Variants in OR51B5 observed in about 807,000 individuals in gnomAD.
OR51B5 encodes the protein olfactory receptor 51B5.
For missense variants in OR51B5, 456 were observed against 374.6 expected (o/e 1.22, Z -1.79); for synonymous variants, 186 against 144.8 (o/e 1.28, Z -2.04).
intron 1 of OR51B5, among the ~76,000 whole-genome samples, chr11:5,358,330 A>G: frequency 6.6e-6 from 1 of 151,174 alleles, no homozygotes; most frequent in African/African-American, 2.4e-5. Context: ...GATCCCACAG[A>G]AATACAAACC....
chr11:5,427,930 CTT>C (rs1390359580), intron 1 of OR51B5, among the ~76,000 whole-genome samples: 2 of 152,044 alleles, frequency 1.3e-5, no homozygotes, highest in Non-Finnish European at 2.9e-5. Flanking sequence ...ATGGTCAAAA[CTT>C]TTTGATGGAG....
chr11:5,364,513 C>T (rs1849337179), intron 1 of OR51B5, among the ~76,000 whole-genome samples: 1 of 152,230 alleles, frequency 6.6e-6, no homozygotes, highest in South Asian at 2.1e-4. Context: ...ATAAATTCAA[C>T]TACATGCCAG....
chr11:5,464,412 A>G (rs1470841762), intron 1 of OR51B5, among the ~76,000 whole-genome samples: 3 of 151,820 alleles, frequency 2.0e-5, no homozygotes, highest in Admixed American at 2.0e-4. Flanking sequence ...AGCGTTAGGT[A>G]TATCTCCCAA....
chr11:5,412,225 T>G (rs1850159128), intron 1 of OR51B5, among the ~76,000 whole-genome samples: 1 of 152,324 alleles, frequency 6.6e-6, no homozygotes, highest in South Asian at 2.1e-4. Context: ...CTATATCTTC[T>G]TGAGTAAATC....
chr11:5,460,436 A>G (rs537339265), intron 1 of OR51B5, among the ~76,000 whole-genome samples: 13 of 151,500 alleles, frequency 8.6e-5, no homozygotes, highest in Non-Finnish European at 1.6e-4. Context: ...TTATTTCTAG[A>G]AGTTCAGTTT....
chr11:5,380,728 G>C (rs1849595650), intron 1 of OR51B5, among the ~76,000 whole-genome samples: 1 of 152,176 alleles, frequency 6.6e-6, no homozygotes, highest in South Asian at 2.1e-4. Context: ...GTGTTTGTAA[G>C]ATGTAGATAT....
chr11:5,411,560 C>G (rs1001891030), intron 1 of OR51B5, among the ~76,000 whole-genome samples: 1 of 152,164 alleles, frequency 6.6e-6, no homozygotes, highest in East Asian at 1.9e-4. Context: ...TTAAAAGGAA[C>G]ATAATTGTGG....
intron 1 of OR51B5, among the ~76,000 whole-genome samples, chr11:5,401,865 TTTCCTTCCTTCCTTTTCTCTCTC>T (rs1849973721): frequency 8.7e-6 from 1 of 114,948 alleles, no homozygotes; most frequent in African/African-American, 3.4e-5. Flanking sequence ...GCTTTTTCTT[TTTCCTTCCTTCCTTTTCTCTCTC>T]TTCCTTCCTT....
chr11:5,357,694 T>C (rs1849216782), intron 1 of OR51B5, among the ~76,000 whole-genome samples: 4 of 150,704 alleles, frequency 2.7e-5, no homozygotes, highest in Admixed American at 2.0e-4. Context: ...ATACATTCTT[T>C]TCAGCACCAC....
intron 1 of OR51B5, among the ~76,000 whole-genome samples, chr11:5,354,346 AGATAACTAG>A (rs1365601464): frequency 6.6e-6 from 1 of 152,224 alleles, no homozygotes; most frequent in Non-Finnish European, 1.5e-5. Flanking sequence ...GCTAGTATAA[AGATAACTAG>A]GATAACAATA....
chr11:5,485,467 G>A (rs2133811180), intron 1 of OR51B5, among the ~76,000 whole-genome samples: 1 of 152,300 alleles, frequency 6.6e-6, no homozygotes, highest in South Asian at 2.1e-4. Context: ...CTTGGGCTGA[G>A]CAATGAATTT....
intron 1 of OR51B5, among the ~76,000 whole-genome samples, chr11:5,424,647 G>A (rs896672337): frequency 6.6e-6 from 1 of 152,032 alleles, no homozygotes; most frequent in East Asian, 1.9e-4. Flanking sequence ...GGTTTCACTG[G>A]GGACCCCTGG....
intron 1 of OR51B5, among the ~76,000 whole-genome samples, chr11:5,442,700 C>T (rs888445481): frequency 1.3e-5 from 2 of 152,124 alleles, no homozygotes; most frequent in Middle Eastern, 3.2e-3. Context: ...CTGAGATCTT[C>T]GATGTCGGGA....
At position 5,374,735 on chromosome 11, in the gene OR51B5, G is replaced by A. The variant is rs368036669; in HGVS notation, n.85-27825C>T. Among the ~76,000 whole-genome samples, 55 of 152,292 alleles carry A rather than the reference G, an allele frequency of 3.6e-4. No individual in the cohort carries two copies. The East Asian group carries it at 0.01, about 29-fold the overall frequency. Reference sequence around the variant, plus strand: ...ATCAACTGGAAGAAAGGGTATCAGTGATGGAAGATGAAATAAATGAAATGA... The same window carrying A: ...ATCAACTGGAAGAAAGGGTATCAGTAATGGAAGATGAAATAAATGAAATGA... On this transcript the variant is annotated intron_variant and non_coding_transcript_variant, in intron 1 of 4. Coordinates refer to the OR51B5 transcript ENST00000415970.
At chr11:5,452,353 A>T (rs1463668997) in intron 1 of OR51B5, among the ~76,000 whole-genome samples, 1 of 151,936 alleles carries the variant, frequency 6.6e-6, no homozygotes, top group African/African-American at 2.4e-5. Flanking sequence ...AACTACAAAA[A>T]AAATTAGCCG....
intron 1 of OR51B5, among the ~76,000 whole-genome samples, chr11:5,373,819 C>G (rs1234980148): frequency 6.6e-6 from 1 of 152,228 alleles, no homozygotes; most frequent in Non-Finnish European, 1.5e-5. Flanking sequence ...GTAAACAAAG[C>G]AGCCAGGAAG....
At chr11:5,475,109 ACAGT>A (rs1205904463) in intron 1 of OR51B5, among the ~76,000 whole-genome samples, 1 of 152,172 alleles carries the variant, frequency 6.6e-6, no homozygotes, top group Non-Finnish European at 1.5e-5. Context: ...TACCAGTCCT[ACAGT>A]CACTCTCTAG....
intron 1 of OR51B5, among the ~76,000 whole-genome samples, chr11:5,360,160 A>C (rs1589953105): frequency 6.8e-6 from 1 of 147,262 alleles, no homozygotes; most frequent in African/African-American, 2.5e-5. Flanking sequence ...TAATTAAACT[A>C]AAGAGCTTCT....
chr11:5,497,172 G>A (rs1851663154), intron 1 of OR51B5, among the ~76,000 whole-genome samples: 1 of 152,216 alleles, frequency 6.6e-6, no homozygotes, highest in Admixed American at 6.5e-5. Context: ...CCTGGTAAAT[G>A]CGTTGAGTAC....
Sources: allele counts gnomAD v4.1 joint callset (sites outside exome capture counted in the v4.1 genomes callset), GRCh38; gene constraint gnomAD v4.1.1; transcripts MANE v1.5; gene names NCBI Gene and HGNC (gene_info 2026-07-23, HGNC 2026-07-21).